The following STX8 variants were observed in gnomAD, a reference collection of about 807,000 sequenced individuals.
STX8 encodes syntaxin 8.
STX8 carries 23 observed loss-of-function variants against 37.5 expected under a neutral mutation model. The observed-to-expected ratio is 0.61, with a 90% CI of 0.44 to 0.87. The LOEUF (loss-of-function observed/expected upper bound fraction) is 0.87, where lower values mean the gene tolerates loss of function less well. Among genes scored for constraint, STX8 ranks in the 40% least tolerant of loss-of-function variants. The probability of loss-of-function intolerance (pLI) is 0.00; values close to 1 mark genes in which losing one functional copy is unlikely to be tolerated. For missense variants in STX8, 313 were observed against 284.7 expected (o/e 1.10, Z -0.71); for synonymous variants, 115 against 99.1 (o/e 1.16, Z -0.95).
chr17:9,253,981 C>T (rs774004564), intron 7 of STX8, among the ~76,000 whole-genome samples: 30 of 152,150 alleles, frequency 2.0e-4, no homozygotes, highest in Non-Finnish European at 3.7e-4. Context: ...TGATTTGGCT[C>T]CCTGCAGTGA....
At chr17:9,564,490 T>C (rs1349900903) in intron 2 of STX8, among the ~76,000 whole-genome samples, 5 of 152,152 alleles carry the variant, frequency 3.3e-5, no homozygotes, top group Non-Finnish European at 7.3e-5. Context: ...CTCATTAAGC[T>C]TATAAACAAC....
At chr17:9,262,763 GT>G (rs1244668886) in intron 7 of STX8, among the ~76,000 whole-genome samples, 1 of 151,948 alleles carries the variant, frequency 6.6e-6, no homozygotes, top group African/African-American at 2.4e-5. Context: ...TGTATTTTTA[GT>G]AGACACAGGG....
intron 6 of STX8, among the ~76,000 whole-genome samples, chr17:9,486,732 G>A (rs569089061): frequency 2.0e-5 from 3 of 152,096 alleles, no homozygotes; most frequent in Non-Finnish European, 4.4e-5. Flanking sequence ...TATGGTGCCG[G>A]CCTGTAGTCC....
At chr17:9,460,210 G>A (rs1028342795) in intron 6 of STX8, among the ~76,000 whole-genome samples, 1 of 152,150 alleles carries the variant, frequency 6.6e-6, no homozygotes, top group Non-Finnish European at 1.5e-5. Context: ...AACTTTCATA[G>A]TTAGGAAATG....
chr17:9,269,452 G>A (rs35985527), intron 7 of STX8, among the ~76,000 whole-genome samples: 14,020 of 152,238 alleles, frequency 0.092, 660 homozygotes, highest in East Asian at 0.15. Context: ...TACCAGGGAC[G>A]TGTGTATCAC....
At position 9,441,837 on chromosome 17, in the gene STX8, G is replaced by A. The variant is rs374528418; in HGVS notation, c.541+49992C>T. Among the ~76,000 whole-genome samples, 186 of 151,738 alleles carry A rather than the reference G, an allele frequency of 1.2e-3. 1 individual carries two copies. In the East Asian group the frequency reaches 0.024, roughly 19 times the overall value. The stretch of plus-strand genomic sequence containing the variant: ...ACTACAGGCGCCCACCACCACGCCC[G>A]GCTAATTTTTTGTATTTTTAGTAGA... On this transcript the variant is annotated intron_variant, in intron 6 of 7. Coordinates refer to ENST00000306357, the MANE Select transcript of STX8 (RefSeq NM_004853.3).
intron 7 of STX8, among the ~76,000 whole-genome samples, chr17:9,269,055 C>G (rs940667470): frequency 6.6e-6 from 1 of 151,980 alleles, no homozygotes; most frequent in Non-Finnish European, 1.5e-5. Context: ...GGCATGGTGG[C>G]GGGCGCCTGT....
intron 6 of STX8, among the ~76,000 whole-genome samples, chr17:9,404,913 T>C (rs1912753319): frequency 6.6e-6 from 1 of 152,158 alleles, no homozygotes; most frequent in Non-Finnish European, 1.5e-5. Context: ...TCTGGTGTGG[T>C]GTCTGTTAGC....
chr17:9,548,083 G>A (rs1906618769), intron 3 of STX8, among the ~76,000 whole-genome samples: 1 of 151,152 alleles, frequency 6.6e-6, no homozygotes, highest in South Asian at 2.1e-4. Flanking sequence ...CACTTCACCT[G>A]ACCTTATACA....
At chr17:9,334,860 A>T (rs1178782893) in intron 7 of STX8, among the ~76,000 whole-genome samples, 1 of 152,212 alleles carries the variant, frequency 6.6e-6, no homozygotes, top group African/African-American at 2.4e-5. Context: ...AAATACAGTG[A>T]GTTCTAAATT....
At chr17:9,254,330 C>T (rs1906704622) in intron 7 of STX8, among the ~76,000 whole-genome samples, 1 of 152,134 alleles carries the variant, frequency 6.6e-6, no homozygotes, top group Non-Finnish European at 1.5e-5. Context: ...GGCATTTTCC[C>T]AAAGAACTCT....
At chr17:9,574,593 G>A (rs1467325411) in intron 1 of STX8, among the ~76,000 whole-genome samples, 2 of 151,328 alleles carry the variant, frequency 1.3e-5, no homozygotes, top group African/African-American at 4.9e-5. Context: ...GGAGTGCAAT[G>A]GCACGATCTC....
At chr17:9,488,871 C>CGT (rs150176375) in intron 6 of STX8, among the ~76,000 whole-genome samples, 3,983 of 148,444 alleles carry the variant, frequency 0.027, 168 homozygotes, top group African/African-American at 0.088. Flanking sequence ...CGCTCGGTCA[C>CGT]GTGTGTGTGT....
intron 6 of STX8, among the ~76,000 whole-genome samples, chr17:9,395,423 T>C (rs896432338): frequency 6.6e-6 from 1 of 151,644 alleles, no homozygotes; most frequent in Non-Finnish European, 1.5e-5. Context: ...CTGGCCACCA[T>C]GGTAAAAATA....
intron 7 of STX8, among the ~76,000 whole-genome samples, chr17:9,329,574 AC>A (rs1462689515): frequency 2.6e-5 from 4 of 152,306 alleles, no homozygotes; most frequent in Non-Finnish European, 5.9e-5. Flanking sequence ...AATGTAGCCC[AC>A]CCACCTGGGT....
chr17:9,311,845 C>A (rs1567779195), intron 7 of STX8, among the ~76,000 whole-genome samples: 2 of 151,532 alleles, frequency 1.3e-5, no homozygotes, highest in Non-Finnish European at 3.0e-5. Context: ...GTTAAATTCT[C>A]TTTTTTTCTT....
chr17:9,392,323 G>T (rs897629762), intron 6 of STX8, among the ~76,000 whole-genome samples: 2 of 152,160 alleles, frequency 1.3e-5, no homozygotes, highest in African/African-American at 4.8e-5. Flanking sequence ...ATCTGACAAA[G>T]ACTTTAAAGC....
At chr17:9,537,146 GAAGA>G (rs1906092374) in intron 4 of STX8, among the ~76,000 whole-genome samples, 1 of 152,240 alleles carries the variant, frequency 6.6e-6, no homozygotes, top group Non-Finnish European at 1.5e-5. Context: ...CGTTGCTCAA[GAAGA>G]AAGCAGCAAG....
At chr17:9,316,046 C>G (rs1333754490) in intron 7 of STX8, among the ~76,000 whole-genome samples, 1 of 151,506 alleles carries the variant, frequency 6.6e-6, no homozygotes, top group East Asian at 1.9e-4. Flanking sequence ...TAATAAAGCT[C>G]TCCTTTCCAA....
Sources: allele counts gnomAD v4.1 joint callset (sites outside exome capture counted in the v4.1 genomes callset), GRCh38; gene constraint gnomAD v4.1.1; transcripts MANE v1.5; gene names NCBI Gene and HGNC (gene_info 2026-07-23, HGNC 2026-07-21).